Variants in ODAD2 observed in about 807,000 individuals in gnomAD.
ODAD2 encodes the protein outer dynein arm docking complex subunit 2, also known as outer dynein arm-docking complex subunit 2.
Under a neutral mutation model 106.8 loss-of-function variants are expected in ODAD2, and 89 were observed. The observed-to-expected ratio is 0.83, with a 90% CI of 0.70 to 0.99. The LOEUF is 0.99. Ranked by LOEUF, ODAD2 falls within the 50% of genes least tolerant of loss-of-function variation. ODAD2 has a pLI of 0.00. For missense variants in ODAD2, 1,168 were observed against 1,238.5 expected (o/e 0.94, Z 0.85); for synonymous variants, 404 against 436.2 (o/e 0.93, Z 0.92).
intron 7 of ODAD2, among the ~76,000 whole-genome samples, chr10:27,975,538 G>A (rs531090870): frequency 3.3e-5 from 5 of 152,188 alleles, no homozygotes; most frequent in Non-Finnish European, 1.5e-5. Context: ...TACACCAAAT[G>A]AACAAATTCC....
chr10:27,821,494 T>C (rs1836607007), intron 19 of ODAD2, among the ~76,000 whole-genome samples: 1 of 152,210 alleles, frequency 6.6e-6, no homozygotes, highest in Admixed American at 6.5e-5. Flanking sequence ...ACAAGCAAAC[T>C]AAGGCACTAA....
At chr10:27,907,885 AG>A (rs1843714864) in intron 16 of ODAD2, 108 bp from the exon 17 acceptor site, 1 of 782,466 alleles carries the variant, frequency 1.3e-6, no homozygotes, top group South Asian at 1.9e-5. Flanking sequence ...TATTTTGCTT[AG>A]AATTTTTTTT....
intron 10 of ODAD2, among the ~76,000 whole-genome samples, chr10:27,947,234 G>A (rs1847001136): frequency 6.6e-6 from 1 of 152,092 alleles, no homozygotes; most frequent in Non-Finnish European, 1.5e-5. Context: ...TTTGGGTGCA[G>A]GAGGCTCCCA....
intron 17 of ODAD2, among the ~76,000 whole-genome samples, chr10:27,893,003 G>T (rs998198844): frequency 1.3e-5 from 2 of 151,996 alleles, no homozygotes; most frequent in Non-Finnish European, 2.9e-5. Context: ...ACAAAAATTA[G>T]CCAGGCATGG....
chr10:27,903,413 C>T (rs1357254360), intron 17 of ODAD2, among the ~76,000 whole-genome samples: 1 of 152,152 alleles, frequency 6.6e-6, no homozygotes, highest in Non-Finnish European at 1.5e-5. Context: ...CCTCTCTCAC[C>T]ACTGCTATTC....
intron 17 of ODAD2, among the ~76,000 whole-genome samples, chr10:27,884,781 GA>G (rs1841963238): frequency 6.6e-6 from 1 of 152,060 alleles, no homozygotes; most frequent in South Asian, 2.1e-4. Flanking sequence ...AGCCTCTTTG[GA>G]AAATTAAGGC....
intron 16 of ODAD2, among the ~76,000 whole-genome samples, chr10:27,932,553 T>C (rs1436846167): frequency 2.0e-5 from 3 of 152,256 alleles, no homozygotes; most frequent in Non-Finnish European, 2.9e-5. Flanking sequence ...TGATAAATTC[T>C]ATATGGAAAA....
At chr10:27,943,706 G>C (rs1846622090) in intron 12 of ODAD2, among the ~76,000 whole-genome samples, 1 of 143,826 alleles carries the variant, frequency 7.0e-6, no homozygotes, top group Admixed American at 7.2e-5. Flanking sequence ...AAAATTGCTT[G>C]AACGCTTGAA....
At chr10:27,983,220 T>C (rs1171112134) in intron 6 of ODAD2, among the ~76,000 whole-genome samples, 1 of 152,214 alleles carries the variant, frequency 6.6e-6, no homozygotes, top group African/African-American at 2.4e-5. Flanking sequence ...AGTCATCCAG[T>C]GCTCCATTTT....
chr10:27,857,188 G>A (rs1474683057), intron 19 of ODAD2, among the ~76,000 whole-genome samples: 1 of 152,076 alleles, frequency 6.6e-6, no homozygotes, highest in Non-Finnish European at 1.5e-5. Flanking sequence ...TACTCTACGT[G>A]AAGATGACAA....
chr10:27,998,686 G>C (rs973413313), intron 1 of ODAD2, among the ~76,000 whole-genome samples: 3 of 152,136 alleles, frequency 2.0e-5, no homozygotes, highest in African/African-American at 7.2e-5. Context: ...GGGAGGGAAA[G>C]GGGAGCAGGC....
At chr10:27,944,093 A>G (rs55982266) in intron 12 of ODAD2, 129 bp downstream of exon 12, 18 of 756,210 alleles carry the variant, frequency 2.4e-5, no homozygotes, top group Admixed American at 5.4e-5. Context: ...GGCAAGCGAT[A>G]CAGACAGAAG....
intron 16 of ODAD2, among the ~76,000 whole-genome samples, chr10:27,934,438 A>AAT (rs2134079590): frequency 6.7e-6 from 1 of 149,408 alleles, no homozygotes; most frequent in South Asian, 2.1e-4. Flanking sequence ...TTAATATATG[A>AAT]ATATATATCT....
chr10:27,983,086 G>A (rs894444545), intron 6 of ODAD2, among the ~76,000 whole-genome samples: 12 of 152,132 alleles, frequency 7.9e-5, no homozygotes, highest in Admixed American at 5.2e-4. Context: ...CCCCAGCAAC[G>A]GCCCTTCTTT....
chr10:27,815,306 A>G (rs1836043771), intron 19 of ODAD2, among the ~76,000 whole-genome samples: 1 of 152,228 alleles, frequency 6.6e-6, no homozygotes, highest in Non-Finnish European at 1.5e-5. Context: ...TTATCATTTA[A>G]ACACGTCTTA....
rs1433870855 is a variant in ODAD2, at chr10:27,967,149, C to G, written c.1238+1774G>C. The stretch of plus-strand genomic sequence containing the variant: ...AATGTTTAGACAACAAATGATCTAT[C>G]TCAATCAAGACCACACATAACAGCG... On this transcript the variant is annotated intron_variant, in intron 9 of 19. Coordinates refer to ENST00000305242, the MANE Select transcript of ODAD2 (RefSeq NM_018076.5). Among the ~76,000 whole-genome samples the G allele has an allele frequency of 5.0e-4, 76 of 151,286 alleles. No homozygotes were observed. In the Middle Eastern group the frequency reaches 0.014, roughly 27 times the overall value.
At chr10:27,976,728 T>A (rs1199583607) in intron 7 of ODAD2, among the ~76,000 whole-genome samples, 2 of 152,200 alleles carry the variant, frequency 1.3e-5, no homozygotes. Flanking sequence ...GGCAATTTTT[T>A]AAGAAACTGA....
intron 17 of ODAD2, among the ~76,000 whole-genome samples, chr10:27,866,708 G>A (rs1334721): frequency 6.6e-6 from 1 of 152,090 alleles, no homozygotes; most frequent in African/African-American, 2.4e-5. Context: ...CAAGAGAGGG[G>A]AGGGAGGTGC....
chr10:27,943,961 C>T lies in ODAD2; in HGVS notation c.1743+261G>A, dbSNP rs148136308. On this transcript the variant is annotated intron_variant, in intron 12 of 19. Coordinates refer to ENST00000305242, the MANE Select transcript of ODAD2 (RefSeq NM_018076.5). ...GTATACTTGGATGCATTCCTAACAA[C>T]GTACAATAGGTGGTGACAGTTACAT... Among the ~76,000 whole-genome samples the T allele has an allele frequency of 1.9e-3, 284 of 152,168 alleles. 1 individual carries two copies. The highest frequency in any genetic ancestry group is 2.9e-3 in the Non-Finnish European group (195 of 68,022).
Sources: allele counts gnomAD v4.1 joint callset (sites outside exome capture counted in the v4.1 genomes callset), GRCh38; gene constraint gnomAD v4.1.1; transcripts MANE v1.5; gene names NCBI Gene and HGNC (gene_info 2026-07-23, HGNC 2026-07-21).